ARHGEF38: variants seen among roughly 807,000 people sequenced by gnomAD.
The protein encoded by ARHGEF38 is Rho guanine nucleotide exchange factor 38.
Under a neutral mutation model 79.9 loss-of-function variants are expected in ARHGEF38, and 79 were observed. The ratio of observed to expected loss-of-function variants is 0.99; its 90% CI spans 0.82 to 1.19. The LOEUF is 1.19. Ranked by LOEUF, ARHGEF38 falls within the 50% of genes most tolerant of loss-of-function variation. ARHGEF38 has a pLI of 0.00. For missense variants in ARHGEF38, 962 were observed against 907.2 expected, an observed-to-expected ratio of 1.06 and a Z score of -0.78; for synonymous variants, 366 against 328.3, an observed-to-expected ratio of 1.11 and a Z score of -1.24.
At position 105,678,183 on chromosome 4, in the gene ARHGEF38, A is replaced by G. The variant is rs1731185514; in HGVS notation, c.*246A>G. On this transcript the variant is annotated 3_prime_UTR_variant, in exon 14 of 14. Coordinates refer to ENST00000420470, the MANE Select transcript of ARHGEF38 (RefSeq NM_001242729.2). ...AAAGCAAATGACCCAAGCTTCAACT[A>G]TCAACTATTTAAAAGTGAAGATCTT... 1 of 335,476 alleles carries G rather than the reference A, an allele frequency of 3.0e-6. No individual in the cohort carries two copies. The highest frequency in any genetic ancestry group is 5.3e-6 in the Non-Finnish European group (1 of 187,380). The allele number at this position is 335,476 out of a possible 1,614,324, so 20.8% of individuals were successfully genotyped here. A position where few individuals can be genotyped will look rare whatever the true frequency, so the allele number is the denominator to read the frequency against.
intron 2 of ARHGEF38, among the ~76,000 whole-genome samples, chr4:105,592,466 C>T (rs1578289129): frequency 6.6e-6 from 1 of 152,066 alleles, no homozygotes; most frequent in African/African-American, 2.4e-5. Context: ...TTTCTCTCTT[C>T]ATCGGGCCCA....
chr4:105,580,014 T>C (rs2866790), intron 1 of ARHGEF38, among the ~76,000 whole-genome samples: 130,798 of 151,872 alleles, frequency 0.86, 56,387 homozygotes, highest in South Asian at 0.93. Context: ...CTAGTTTGTG[T>C]GCATTGTGTG....
At chr4:105,569,579 A>G (rs1345927544) in intron 1 of ARHGEF38, among the ~76,000 whole-genome samples, 1 of 152,212 alleles carries the variant, frequency 6.6e-6, no homozygotes, top group African/African-American at 2.4e-5. Context: ...GGTATGTCAG[A>G]CATTGAATTA....
chr4:105,607,632 A>G (rs577455076), intron 2 of ARHGEF38, among the ~76,000 whole-genome samples: 1 of 152,238 alleles, frequency 6.6e-6, no homozygotes, highest in East Asian at 1.9e-4. Context: ...AGCAAGAGTC[A>G]TGGAAGTGAG....
intron 13 of ARHGEF38, among the ~76,000 whole-genome samples, chr4:105,671,323 T>C (rs183678151): frequency 6.6e-6 from 1 of 152,324 alleles, no homozygotes; most frequent in Non-Finnish European, 1.5e-5. Flanking sequence ...GGAAAAAGTC[T>C]GTCCCAATAA....
At chr4:105,561,649 T>C (rs778852968) in intron 1 of ARHGEF38, 9 of 152,160 alleles carry the variant, frequency 5.9e-5, no homozygotes, top group Non-Finnish European at 1.2e-4. Context: ...GTGATGTAGG[T>C]AAGGGAATAC....
At chr4:105,587,810 T>C (rs139021985) in intron 1 of ARHGEF38, among the ~76,000 whole-genome samples, 3 of 152,292 alleles carry the variant, frequency 2.0e-5, no homozygotes, top group African/African-American at 7.2e-5. Flanking sequence ...CATAAAACCA[T>C]GTGGTTTTGG....
intron 8 of ARHGEF38, 49 bp downstream of exon 8, chr4:105,654,218 A>G: frequency 9.2e-7 from 1 of 1,086,612 alleles, no homozygotes; most frequent in Non-Finnish European, 1.3e-6. Context: ...CATCTGATAC[A>G]AACCATTGAT....
chr4:105,651,638 A>C (rs1368716587), intron 7 of ARHGEF38, among the ~76,000 whole-genome samples: 2 of 152,064 alleles, frequency 1.3e-5, no homozygotes, highest in Non-Finnish European at 2.9e-5. Context: ...GTAGTTGTTT[A>C]TTTCTCTCTC....
At chr4:105,558,254 A>C (rs1725347291) in intron 1 of ARHGEF38, among the ~76,000 whole-genome samples, 1 of 152,178 alleles carries the variant, frequency 6.6e-6, no homozygotes, top group South Asian at 2.1e-4. Flanking sequence ...TTAAGAATAT[A>C]GACAGTCTGT....
chr4:105,635,992 T>A (rs998987781), intron 4 of ARHGEF38, among the ~76,000 whole-genome samples: 1 of 152,068 alleles, frequency 6.6e-6, no homozygotes, highest in African/African-American at 2.4e-5. Context: ...AAAAAACTTA[T>A]TAAATCCATT....
intron 10 of ARHGEF38, among the ~76,000 whole-genome samples, chr4:105,665,898 C>T (rs1730731869): frequency 6.6e-6 from 1 of 152,226 alleles, no homozygotes; most frequent in Non-Finnish European, 1.5e-5. Flanking sequence ...TACCTACTGC[C>T]ATGAGCTCCT....
At chr4:105,645,675 G>A (rs1729809780) in intron 6 of ARHGEF38, among the ~76,000 whole-genome samples, 1 of 152,180 alleles carries the variant, frequency 6.6e-6, no homozygotes, top group South Asian at 2.1e-4. Context: ...GAAACCCATT[G>A]CATATAGTCC....
chr4:105,645,883 A>G (rs1014449856), intron 6 of ARHGEF38, among the ~76,000 whole-genome samples: 2 of 152,380 alleles, frequency 1.3e-5, no homozygotes, highest in Non-Finnish European at 2.9e-5. Context: ...GTGAGCAAGT[A>G]TACTTCTTTC....
At chr4:105,561,657 T>A (rs979230996) in intron 1 of ARHGEF38, 10 of 152,128 alleles carry the variant, frequency 6.6e-5, no homozygotes, top group Non-Finnish European at 1.3e-4. Context: ...GGTAAGGGAA[T>A]ACCTTTCCTC....
intron 2 of ARHGEF38, among the ~76,000 whole-genome samples, chr4:105,611,736 T>G (rs1042968677): frequency 6.6e-6 from 1 of 152,120 alleles, no homozygotes; most frequent in African/African-American, 2.4e-5. Flanking sequence ...AGGAATATTT[T>G]GTGACACTGG....
At chr4:105,575,170 A>G (rs529717314) in intron 1 of ARHGEF38, among the ~76,000 whole-genome samples, 1 of 152,304 alleles carries the variant, frequency 6.6e-6, no homozygotes, top group East Asian at 1.9e-4. Context: ...TCCTTTGGGT[A>G]GATATCCATT....
intron 8 of ARHGEF38, among the ~76,000 whole-genome samples, chr4:105,654,805 C>T (rs926251290): frequency 6.6e-6 from 1 of 152,128 alleles, no homozygotes; most frequent in Non-Finnish European, 1.5e-5. Context: ...CTTCATGCCA[C>T]CTTGACAATG....
intron 1 of ARHGEF38, among the ~76,000 whole-genome samples, chr4:105,568,132 A>G (rs576801924): frequency 4.4e-4 from 67 of 151,876 alleles, no homozygotes; most frequent in African/African-American, 1.5e-3. Flanking sequence ...TTATGGCTGC[A>G]TAGTATTCCA....
Sources: gnomAD v4.1 joint callset for allele counts (sites outside exome capture counted in the v4.1 genomes callset) on GRCh38, gnomAD v4.1.1 for gene constraint, MANE v1.5 for transcripts, NCBI Gene and HGNC (gene_info 2026-07-23, HGNC 2026-07-21) for gene names.